The following CNTNAP2 variants were observed in gnomAD, a reference collection of about 807,000 sequenced individuals.
CNTNAP2 encodes the protein contactin associated protein 2, also known as contactin-associated protein-like 2.
CNTNAP2 carries 98 observed loss-of-function variants against 155.2 expected under a neutral mutation model. The ratio of observed to expected loss-of-function variants is 0.63; its 90% CI spans 0.54 to 0.75. CNTNAP2 has a LOEUF of 0.75. Among genes scored for constraint, CNTNAP2 ranks in the 30% least tolerant of loss-of-function variants. The pLI, the probability that CNTNAP2 is intolerant of heterozygous loss-of-function variation, is 0.00. For missense variants in CNTNAP2, 1,727 were observed against 1,688.1 expected (o/e 1.02, Z -0.40); for synonymous variants, 651 against 631.2 (o/e 1.03, Z -0.47).
intron 1 of CNTNAP2, among the ~76,000 whole-genome samples, chr7:146,308,172 T>C (rs1800750584): frequency 6.6e-6 from 1 of 152,138 alleles, no homozygotes; most frequent in South Asian, 2.1e-4. Context: ...GCAAAGGATA[T>C]GAACAGACAC....
chr7:147,205,854 T>C (rs1159396446), intron 8 of CNTNAP2, among the ~76,000 whole-genome samples: 1 of 152,108 alleles, frequency 6.6e-6, no homozygotes, highest in South Asian at 2.1e-4. Context: ...TAGTCCACAA[T>C]TAATTTATTG....
At position 146,720,865 on chromosome 7, in the gene CNTNAP2, A is replaced by ATATATATATTCTATATATATACTCTC. The variant is rs1022635602; in HGVS notation, c.98-53372_98-53347dup. ...AGAAAGAGCTAGAACCTATGTAAACATATATATATTCTATATATATACTCT... is the reference window on the plus strand; with the variant it reads ...AGAAAGAGCTAGAACCTATGTAAACATATATATATTCTATATATATACTCTCTATATATATTCTATATATATACTCT... On this transcript the variant is annotated intron_variant, in intron 1 of 23. Coordinates refer to ENST00000361727, the MANE Select transcript of CNTNAP2 (RefSeq NM_014141.6). Among the ~76,000 whole-genome samples, 25 of 139,366 alleles carry ATATATATATTCTATATATATACTCTC rather than the reference A, an allele frequency of 1.8e-4. 1 individual carries two copies. Among genetic ancestry groups the ATATATATATTCTATATATATACTCTC allele is most frequent in the South Asian group, 6.7e-4 (3 of 4,452 alleles). 91.4% of individuals were successfully genotyped at this position (139,366 alleles called of 152,430 possible). A position where few individuals can be genotyped will look rare whatever the true frequency, so the allele number is the denominator to read the frequency against.
intron 4 of CNTNAP2, among the ~76,000 whole-genome samples, chr7:147,058,414 A>T (rs999282894): frequency 6.6e-6 from 1 of 152,182 alleles, no homozygotes; most frequent in Non-Finnish European, 1.5e-5. Flanking sequence ...CTATTCTATT[A>T]TAGAATACAC....
intron 4 of CNTNAP2, among the ~76,000 whole-genome samples, chr7:147,056,706 T>A (rs544568154): frequency 1.8e-4 from 27 of 152,356 alleles, no homozygotes; most frequent in African/African-American, 6.5e-4. Context: ...GAAGGCTATC[T>A]GAGTAATACA....
At chr7:147,046,887 C>T (rs1390895578) in intron 4 of CNTNAP2, among the ~76,000 whole-genome samples, 2 of 151,294 alleles carry the variant, frequency 1.3e-5, no homozygotes, top group Non-Finnish European at 2.9e-5. Context: ...ACAAAATTAA[C>T]TGGGCATTGT....
At chr7:146,910,473 C>G (rs1480147828) in intron 3 of CNTNAP2, among the ~76,000 whole-genome samples, 1 of 149,864 alleles carries the variant, frequency 6.7e-6, no homozygotes, top group African/African-American at 2.5e-5. Context: ...ATCAATGGAA[C>G]AGAACAGAGC....
intron 3 of CNTNAP2, among the ~76,000 whole-genome samples, chr7:147,020,857 C>A (rs1584787333): frequency 6.6e-6 from 1 of 152,084 alleles, no homozygotes; most frequent in Non-Finnish European, 1.5e-5. Context: ...GTGGGATACA[C>A]ATAGTCAGAG....
At chr7:146,450,603 A>G (rs1306948406) in intron 1 of CNTNAP2, among the ~76,000 whole-genome samples, 4 of 152,236 alleles carry the variant, frequency 2.6e-5, no homozygotes, top group African/African-American at 4.8e-5. Context: ...ACGAAGCCAC[A>G]TGTTGTCTAT....
At chr7:147,665,340 A>C (rs1020660520) in intron 13 of CNTNAP2, among the ~76,000 whole-genome samples, 2 of 152,198 alleles carry the variant, frequency 1.3e-5, no homozygotes, top group Admixed American at 1.3e-4. Context: ...GTATATTACA[A>C]ATTGTCTCCT....
intron 1 of CNTNAP2, among the ~76,000 whole-genome samples, chr7:146,294,030 A>G (rs1018593784): frequency 6.6e-6 from 1 of 152,294 alleles, no homozygotes; most frequent in Non-Finnish European, 1.5e-5. Context: ...CTTAGATAAG[A>G]GTGAAAAAAT....
At chr7:146,787,088 G>A (rs777449104) in intron 2 of CNTNAP2, among the ~76,000 whole-genome samples, 3 of 152,188 alleles carry the variant, frequency 2.0e-5, no homozygotes, top group Admixed American at 6.5e-5. Flanking sequence ...GATGGATAAC[G>A]AATTGGGTTT....
intron 1 of CNTNAP2, among the ~76,000 whole-genome samples, chr7:146,492,394 A>G (rs975001078): frequency 2.0e-5 from 3 of 152,178 alleles, no homozygotes; most frequent in African/African-American, 7.2e-5. Context: ...TCTTTGGGAA[A>G]CTATTTTATT....
chr7:148,312,403 G>T (rs1014327159), intron 21 of CNTNAP2, among the ~76,000 whole-genome samples: 1 of 152,230 alleles, frequency 6.6e-6, no homozygotes, highest in Non-Finnish European at 1.5e-5. Context: ...AGTAATGGGA[G>T]CTGTCTGTGA....
intron 3 of CNTNAP2, among the ~76,000 whole-genome samples, chr7:147,036,325 G>A (rs1799150973): frequency 6.6e-6 from 1 of 152,080 alleles, no homozygotes; most frequent in Non-Finnish European, 1.5e-5. Flanking sequence ...AAAAAACAGT[G>A]CACCTAGTGG....
intron 10 of CNTNAP2, among the ~76,000 whole-genome samples, chr7:147,459,459 G>T (rs1360842023): frequency 6.6e-6 from 1 of 152,134 alleles, no homozygotes; most frequent in East Asian, 1.9e-4. Context: ...AGACTTTGCA[G>T]ATGTGACTAA....
chr7:146,229,369 A>G (rs1799346715), intron 1 of CNTNAP2, among the ~76,000 whole-genome samples: 1 of 152,150 alleles, frequency 6.6e-6, no homozygotes, highest in African/African-American at 2.4e-5. Context: ...AAAATAGATA[A>G]ACTACTGTGA....
intron 1 of CNTNAP2, among the ~76,000 whole-genome samples, chr7:146,649,116 G>A (rs987096053): frequency 4.6e-5 from 7 of 152,006 alleles, no homozygotes; most frequent in Non-Finnish European, 1.0e-4. Flanking sequence ...ATGAAAATTT[G>A]GTAGATGAAT....
intron 3 of CNTNAP2, among the ~76,000 whole-genome samples, chr7:146,999,820 T>G (rs534362959): frequency 2.8e-4 from 42 of 152,208 alleles, no homozygotes; most frequent in African/African-American, 9.9e-4. Context: ...TCTTTTTTCT[T>G]TGATTTTGAC....
chr7:146,995,409 A>G (rs552351767), intron 3 of CNTNAP2, among the ~76,000 whole-genome samples: 5 of 152,240 alleles, frequency 3.3e-5, no homozygotes, highest in South Asian at 4.1e-4. Context: ...TGGAACATCC[A>G]TACTATTTTC....
Sources: gnomAD v4.1 joint callset for allele counts (sites outside exome capture counted in the v4.1 genomes callset) on GRCh38, gnomAD v4.1.1 for gene constraint, MANE v1.5 for transcripts, NCBI Gene and HGNC (gene_info 2026-07-23, HGNC 2026-07-21) for gene names.